SUCLG2: variants seen among roughly 807,000 people sequenced by gnomAD.
SUCLG2 encodes succinate--CoA ligase [GDP-forming] subunit beta, mitochondrial.
In SUCLG2, 42 loss-of-function variants were observed where a neutral mutation model predicts 47.9. The observed-to-expected ratio is 0.88, with a 90% CI of 0.69 to 1.14. The LOEUF is 1.14. Ranked by LOEUF, SUCLG2 falls within the 50% of genes most tolerant of loss-of-function variation. The pLI is 0.00. For missense variants in SUCLG2, 571 were observed against 525.9 expected (o/e 1.09, Z -0.84); for synonymous variants, 195 against 197.3 (o/e 0.99, Z 0.10).
chr3:67,403,914 T>G (rs1702745524), intron 9 of SUCLG2, among the ~76,000 whole-genome samples: 1 of 152,170 alleles, frequency 6.6e-6, no homozygotes, highest in Non-Finnish European at 1.5e-5. Context: ...GAGACACGTT[T>G]TGACTGTTTC....
intron 6 of SUCLG2, 21 bp from the exon 7 acceptor site, chr3:67,508,924 T>A (rs375341814): frequency 4.5e-5 from 70 of 1,551,744 alleles, no homozygotes; most frequent in Admixed American, 9.3e-5. Context: ...TCAAGTGAAA[T>A]AGAATTACAC....
chr3:67,613,402 A>G (rs1261335591), intron 1 of SUCLG2, among the ~76,000 whole-genome samples: 1 of 152,154 alleles, frequency 6.6e-6, no homozygotes, highest in Non-Finnish European at 1.5e-5. Context: ...TTTTTTTATT[A>G]TATCACAGTA....
chr3:67,376,998 C>G (rs1048599255), intron 10 of SUCLG2, among the ~76,000 whole-genome samples: 1 of 152,190 alleles, frequency 6.6e-6, no homozygotes, highest in Non-Finnish European at 1.5e-5. Context: ...CTTTTGTTTC[C>G]ATACAGAGCA....
At chr3:67,604,422 G>A (rs1280430560) in intron 2 of SUCLG2, among the ~76,000 whole-genome samples, 1 of 152,124 alleles carries the variant, frequency 6.6e-6, no homozygotes, top group Non-Finnish European at 1.5e-5. Flanking sequence ...CATCAAGTTA[G>A]CAAAAGGAAA....
intron 1 of SUCLG2, among the ~76,000 whole-genome samples, chr3:67,643,253 C>T (rs974334530): frequency 3.3e-5 from 5 of 152,168 alleles, no homozygotes; most frequent in Non-Finnish European, 5.9e-5. Context: ...TAAACTACAA[C>T]GACTACGACC....
chr3:67,530,226 A>C (rs1455982830), intron 2 of SUCLG2, among the ~76,000 whole-genome samples: 1 of 152,188 alleles, frequency 6.6e-6, no homozygotes, highest in East Asian at 1.9e-4. Context: ...ACATTAGGCA[A>C]GTTACTTAAT....
intron 2 of SUCLG2, among the ~76,000 whole-genome samples, chr3:67,586,580 TA>T (rs1575797923): frequency 6.6e-6 from 1 of 152,180 alleles, no homozygotes; most frequent in African/African-American, 2.4e-5. Flanking sequence ...TTTTTAAAAG[TA>T]AGTAAAGTAA....
intron 1 of SUCLG2, among the ~76,000 whole-genome samples, chr3:67,624,033 A>G (rs1022307987): frequency 5.9e-5 from 9 of 152,218 alleles, no homozygotes; most frequent in African/African-American, 2.2e-4. Context: ...CCTTTCCAAT[A>G]AATCCAGATG....
chr3:67,464,386 A>G (rs1036371587), intron 9 of SUCLG2, among the ~76,000 whole-genome samples: 3 of 152,206 alleles, frequency 2.0e-5, no homozygotes, highest in Non-Finnish European at 4.4e-5. Flanking sequence ...GCGCTTTTTG[A>G]TCTGGCATTT....
At chr3:67,482,140 A>C (rs1388891775) in intron 9 of SUCLG2, among the ~76,000 whole-genome samples, 1 of 152,146 alleles carries the variant, frequency 6.6e-6, no homozygotes, top group East Asian at 1.9e-4. Context: ...AGATCATGCC[A>C]CTGCACTCCA....
chr3:67,390,735 C>A (rs140385222), intron 10 of SUCLG2, among the ~76,000 whole-genome samples: 1 of 151,784 alleles, frequency 6.6e-6, no homozygotes, highest in African/African-American at 2.4e-5. Flanking sequence ...ACCCATGAAA[C>A]TGTTGAGAAA....
At chr3:67,552,294 A>T (rs1473967663) in intron 2 of SUCLG2, among the ~76,000 whole-genome samples, 1 of 152,154 alleles carries the variant, frequency 6.6e-6, no homozygotes, top group Non-Finnish European at 1.5e-5. Context: ...CGTATCTCAC[A>T]TGTATTAATG....
chr3:67,497,353 AAC>A (rs776350145), intron 8 of SUCLG2, among the ~76,000 whole-genome samples: 11 of 152,196 alleles, frequency 7.2e-5, no homozygotes, highest in Admixed American at 5.9e-4. Flanking sequence ...TTCTACCAGA[AAC>A]ACAGTCTTGT....
intron 9 of SUCLG2, among the ~76,000 whole-genome samples, chr3:67,415,119 G>T (rs1195246279): frequency 6.6e-6 from 1 of 152,204 alleles, no homozygotes; most frequent in African/African-American, 2.4e-5. Flanking sequence ...GTCTCCCAAA[G>T]TACTGGGATT....
At chr3:67,436,448 C>T (rs552020966) in intron 9 of SUCLG2, among the ~76,000 whole-genome samples, 1 of 152,154 alleles carries the variant, frequency 6.6e-6, no homozygotes, top group East Asian at 1.9e-4. Context: ...ATCAAGAAGG[C>T]CAGAGGGCAA....
intron 9 of SUCLG2, among the ~76,000 whole-genome samples, chr3:67,414,909 G>C (rs1262005915): frequency 6.6e-6 from 1 of 152,176 alleles, no homozygotes; most frequent in East Asian, 1.9e-4. Context: ...AGGCTGGAGT[G>C]CAATGTCGCA....
chr3:67,508,698 C>G lies in SUCLG2; in HGVS notation c.757+109G>C, dbSNP rs1705706116. 33 of 822,312 alleles carry G rather than the reference C, an allele frequency of 4.0e-5. No individual in the cohort carries two copies. The South Asian group carries it at 6.2e-4, about 15-fold the overall frequency. The allele number at this position is 822,312 out of a possible 1,614,324, so 50.9% of individuals were successfully genotyped here. On this transcript the variant is annotated intron_variant, in intron 7 of 10. Coordinates refer to ENST00000307227, the MANE Select transcript of SUCLG2 (RefSeq NM_003848.4). ...TCAAACTATGGCAGAAATTAAATTACTGAAAGAAATTTATGCAAAGCTGCT... is the reference window on the plus strand; with the variant it reads ...TCAAACTATGGCAGAAATTAAATTAGTGAAAGAAATTTATGCAAAGCTGCT...
intron 9 of SUCLG2, among the ~76,000 whole-genome samples, chr3:67,423,470 C>G (rs1703221996): frequency 6.6e-6 from 1 of 152,126 alleles, no homozygotes; most frequent in Admixed American, 6.5e-5. Context: ...CATTACAGGG[C>G]TAACCTGATA....
intron 9 of SUCLG2, among the ~76,000 whole-genome samples, chr3:67,481,317 G>A (rs1002230845): frequency 6.6e-6 from 1 of 152,162 alleles, no homozygotes; most frequent in African/African-American, 2.4e-5. Flanking sequence ...ACACACTTTC[G>A]AGCATTACTG....
Sources: gnomAD v4.1 joint callset for allele counts (sites outside exome capture counted in the v4.1 genomes callset) on GRCh38, gnomAD v4.1.1 for gene constraint, MANE v1.5 for transcripts, NCBI Gene and HGNC (gene_info 2026-07-23, HGNC 2026-07-21) for gene names.